Variants in CELF2 observed in about 807,000 individuals in gnomAD.
CELF2 encodes the protein CUGBP Elav-like family member 2.
In CELF2, 8 loss-of-function variants were observed where a neutral mutation model predicts 62.6. That is an observed-to-expected ratio of 0.13 (90% CI 0.07 to 0.23). CELF2 has a LOEUF of 0.23. Among genes scored for constraint, CELF2 ranks in the 10% least tolerant of loss-of-function variants. CELF2 has a pLI of 1.00. For synonymous variants in CELF2, 258 were observed against 250.0 expected, an observed-to-expected ratio of 1.03 and a Z score of -0.30; for missense variants, 333 against 671.0, an observed-to-expected ratio of 0.50 and a Z score of 5.56.
intron 2 of CELF2, among the ~76,000 whole-genome samples, chr10:10,971,161 C>T (rs138719884): frequency 2.9e-3 from 443 of 152,286 alleles, no homozygotes; most frequent in African/African-American, 9.6e-3. Context: ...TCTCTGGCTG[C>T]TCCTTCCTGG....
intron 1 of CELF2, among the ~76,000 whole-genome samples, chr10:11,042,545 A>G (rs1157770672): frequency 6.6e-6 from 1 of 152,160 alleles, no homozygotes; most frequent in Non-Finnish European, 1.5e-5. Flanking sequence ...TCTTTCACAT[A>G]CCACGAAAGC....
At chr10:10,846,092 G>C (rs570859968) in intron 1 of CELF2, 3 of 985,028 alleles carry the variant, frequency 3.0e-6, no homozygotes, top group Middle Eastern at 5.2e-4. Flanking sequence ...ATCCTTCTGC[G>C]CTCCCAGAGT....
chr10:10,985,276 A>G (rs993584046), intron 2 of CELF2, among the ~76,000 whole-genome samples: 1 of 152,262 alleles, frequency 6.6e-6, no homozygotes, highest in Admixed American at 6.5e-5. Flanking sequence ...CCCCCACATT[A>G]CATTTTAGTA....
At chr10:10,811,482 G>T (rs897026299) in intron 1 of CELF2, among the ~76,000 whole-genome samples, 2 of 152,116 alleles carry the variant, frequency 1.3e-5, no homozygotes, top group African/African-American at 4.8e-5. Flanking sequence ...ACAGAGATGG[G>T]GGGAGAGGGG....
the CELF2 span, among the ~76,000 whole-genome samples, chr10:10,485,386 G>C: frequency 6.6e-6 from 1 of 152,062 alleles, no homozygotes. Context: ...TTTCCAATTT[G>C]GTTTGCAGTG....
chr10:10,842,758 T>TA (rs1046293198), intron 1 of CELF2, among the ~76,000 whole-genome samples: 6 of 152,088 alleles, frequency 3.9e-5, no homozygotes, highest in Non-Finnish European at 7.4e-5. Context: ...TTTCCTTTCT[T>TA]ATAATGTGTT....
At chr10:10,828,496 G>T (rs769312916) in intron 1 of CELF2, among the ~76,000 whole-genome samples, 1 of 152,124 alleles carries the variant, frequency 6.6e-6, no homozygotes, top group African/African-American at 2.4e-5. Context: ...GAGTGGTGGC[G>T]GTCAGGCACT....
chr10:10,892,176 A>G (rs2062191802), intron 1 of CELF2, among the ~76,000 whole-genome samples: 2 of 152,212 alleles, frequency 1.3e-5, no homozygotes, highest in Admixed American at 6.5e-5. Flanking sequence ...AGACATAAGT[A>G]AGAAAAGAAG....
At chr10:10,915,105 G>C (rs11256908) in intron 1 of CELF2, among the ~76,000 whole-genome samples, 11,525 of 149,416 alleles carry the variant, frequency 0.077, 1,081 homozygotes, top group African/African-American at 0.23. Context: ...GCACTCCAGC[G>C]TGGGCGACAG....
chr10:10,733,430 G>A, the CELF2 span, among the ~76,000 whole-genome samples: 1 of 152,012 alleles, frequency 6.6e-6, no homozygotes, highest in Admixed American at 6.6e-5. Context: ...TGCCGGAGGA[G>A]GTAGTGAAAA....
At chr10:10,726,217 C>T in the CELF2 span, among the ~76,000 whole-genome samples, 1 of 152,152 alleles carries the variant, frequency 6.6e-6, no homozygotes, top group African/African-American at 2.4e-5. Context: ...TCAGAATTTA[C>T]TCCATGCCTA....
the CELF2 span, among the ~76,000 whole-genome samples, chr10:10,612,457 T>C: frequency 1.8e-4 from 28 of 152,180 alleles, no homozygotes; most frequent in African/African-American, 5.3e-4. Flanking sequence ...TCAAGAATTC[T>C]GCTAGATACA....
the CELF2 span, among the ~76,000 whole-genome samples, chr10:10,618,020 A>G: frequency 1.2e-4 from 18 of 151,964 alleles, no homozygotes; most frequent in Admixed American, 1.0e-3. Context: ...AACTCTTATC[A>G]GCTTAATACT....
At chr10:10,653,505 A>C in the CELF2 span, among the ~76,000 whole-genome samples, 5 of 141,440 alleles carry the variant, frequency 3.5e-5, no homozygotes, top group Non-Finnish European at 6.1e-5. Context: ...AACAGAAATT[A>C]TAACAAACTA....
At chr10:10,515,910 G>A in the CELF2 span, among the ~76,000 whole-genome samples, 2 of 152,228 alleles carry the variant, frequency 1.3e-5, no homozygotes, top group Admixed American at 6.5e-5. Flanking sequence ...AATTGGCAAC[G>A]TTTTTCTTGC....
chr10:10,740,605 C>A, the CELF2 span, among the ~76,000 whole-genome samples: 1 of 152,156 alleles, frequency 6.6e-6, no homozygotes, highest in African/African-American at 2.4e-5. Context: ...AAGATGTCAG[C>A]ACCTTGCAGA....
chr10:11,162,688 A>G (rs567654283), intron 1 of CELF2, among the ~76,000 whole-genome samples: 21 of 152,348 alleles, frequency 1.4e-4, no homozygotes, highest in African/African-American at 4.8e-4. Context: ...ATTATTATTT[A>G]GGATAGGAAT....
At chr10:10,843,118 C>A (rs10752208) in intron 1 of CELF2, among the ~76,000 whole-genome samples, 82,290 of 151,646 alleles carry the variant, frequency 0.54, 23,692 homozygotes, top group East Asian at 0.74. Flanking sequence ...CTTCAACGTC[C>A]GTGGGATTAG....
At chr10:10,839,247 A>C (rs1473669099) in intron 1 of CELF2, among the ~76,000 whole-genome samples, 1 of 152,210 alleles carries the variant, frequency 6.6e-6, no homozygotes, top group African/African-American at 2.4e-5. Context: ...CAGAGCAAGG[A>C]AATATTTGTA....
Sources: allele counts gnomAD v4.1 joint callset (sites outside exome capture counted in the v4.1 genomes callset), GRCh38; gene constraint gnomAD v4.1.1; transcripts MANE v1.5; gene names NCBI Gene and HGNC (gene_info 2026-07-23, HGNC 2026-07-21).